The following NFAT5 variants were observed in gnomAD, a reference collection of about 807,000 sequenced individuals.
The protein encoded by NFAT5 is nuclear factor of activated T-cells 5.
In NFAT5, 31 loss-of-function variants were observed where a neutral mutation model predicts 166.5. The observed-to-expected ratio is 0.19, with a 90% confidence interval of 0.14 to 0.25. The LOEUF (loss-of-function observed/expected upper bound fraction) is 0.25. Among genes scored for constraint, NFAT5 ranks in the 10% least tolerant of loss-of-function variants. The probability of loss-of-function intolerance (pLI) is 1.00; values close to 1 mark genes in which losing one functional copy is unlikely to be tolerated. For missense variants in NFAT5, 1,449 were observed against 1,821.8 expected (o/e 0.80, Z 3.72); for synonymous variants, 612 against 639.7 (o/e 0.96, Z 0.65).
At chr16:69,608,781 A>AT (rs1443552686) in intron 2 of NFAT5, among the ~76,000 whole-genome samples, 1 of 149,896 alleles carries the variant, frequency 6.7e-6, no homozygotes, top group African/African-American at 2.5e-5. Context: ...CGCCCGGCTA[A>AT]TTTTTTGTTA....
chr16:69,651,375 A>G (rs1380222827), intron 4 of NFAT5, among the ~76,000 whole-genome samples: 2 of 152,182 alleles, frequency 1.3e-5, no homozygotes, highest in Non-Finnish European at 2.9e-5. Context: ...TTTCCTAGCC[A>G]AGGATTCAAC....
At chr16:69,622,364 G>C (rs1190421114) in intron 2 of NFAT5, among the ~76,000 whole-genome samples, 5 of 152,160 alleles carry the variant, frequency 3.3e-5, no homozygotes, top group Admixed American at 3.3e-4. Context: ...CTTCTGGCAG[G>C]CTGACTTCTT....
At chr16:69,691,113 A>C (rs757969861) in intron 12 of NFAT5, 25 bp downstream of exon 12, 4 of 1,492,608 alleles carry the variant, frequency 2.7e-6, no homozygotes, top group Admixed American at 4.8e-5. Flanking sequence ...CTAGTGCACA[A>C]ACCTCCTATA....
At position 69,704,417 on chromosome 16, in the gene NFAT5, A is replaced by G. The variant is rs1185066781; in HGVS notation, c.*8066A>G. On this transcript the variant is annotated 3_prime_UTR_variant, in exon 15 of 15. Coordinates refer to ENST00000349945, the MANE Select transcript of NFAT5 (RefSeq NM_138713.4). ...AACTGCCTTCTTCCATTGTCCTGCA[A>G]TGATATAAGGGTTACATTTTTGTGT... The G allele has an allele frequency of 1.3e-5, 2 of 152,592 alleles. No individual in the cohort carries two copies. The highest frequency in any genetic ancestry group is 2.1e-4 in the South Asian group (1 of 4,832). 9.5% of individuals were successfully genotyped at this position (152,592 alleles called of 1,614,324 possible).
chr16:69,672,836 A>G (rs1355115202), intron 9 of NFAT5, among the ~76,000 whole-genome samples: 1 of 152,202 alleles, frequency 6.6e-6, no homozygotes, highest in Non-Finnish European at 1.5e-5. Flanking sequence ...ATGCTCTATT[A>G]TGATTGTTAT....
chr16:69,608,805 G>T (rs2033555516), intron 2 of NFAT5, among the ~76,000 whole-genome samples: 1 of 150,186 alleles, frequency 6.7e-6, no homozygotes, highest in Non-Finnish European at 1.5e-5. Context: ...AAATATAATT[G>T]TTTTTTCCTC....
At chr16:69,580,160 TATGTA>T (rs1174809447) in intron 2 of NFAT5, among the ~76,000 whole-genome samples, 1 of 152,050 alleles carries the variant, frequency 6.6e-6, no homozygotes, top group Non-Finnish European at 1.5e-5. Flanking sequence ...TGTATTTTAA[TATGTA>T]ATGTAATTAC....
chr16:69,632,108 A>G (rs1229032303), intron 3 of NFAT5: 2 of 152,226 alleles, frequency 1.3e-5, no homozygotes, highest in Non-Finnish European at 2.9e-5. Flanking sequence ...AATAAGTGCT[A>G]TATTCTAATT....
At chr16:69,636,211 T>A (rs548372509) in intron 3 of NFAT5, among the ~76,000 whole-genome samples, 2 of 152,208 alleles carry the variant, frequency 1.3e-5, no homozygotes, top group Non-Finnish European at 2.9e-5. Flanking sequence ...CAGGTCACGC[T>A]GATGCAAGAG....
At chr16:69,666,284 C>T (rs2036374857) in intron 7 of NFAT5, among the ~76,000 whole-genome samples, 1 of 151,344 alleles carries the variant, frequency 6.6e-6, no homozygotes, top group Admixed American at 6.6e-5. Context: ...TCTAAAACAC[C>T]AAAAGCAATG....
intron 9 of NFAT5, among the ~76,000 whole-genome samples, chr16:69,671,348 G>GT (rs1466868566): frequency 6.6e-6 from 1 of 152,044 alleles, no homozygotes; most frequent in African/African-American, 2.4e-5. Context: ...AGTGCCTGTA[G>GT]TTTTTTTGTT....
chr16:69,603,222 A>T (rs943150891), intron 2 of NFAT5, among the ~76,000 whole-genome samples: 1 of 152,180 alleles, frequency 6.6e-6, no homozygotes, highest in Non-Finnish European at 1.5e-5. Context: ...CTGAATTTTT[A>T]TGATATATCA....
At chr16:69,644,879 A>G (rs748554143) in intron 3 of NFAT5, 13 of 453,414 alleles carry the variant, frequency 2.9e-5, no homozygotes, top group South Asian at 2.0e-4. Flanking sequence ...AAGTTGCTTT[A>G]TAGAAATATA....
At chr16:69,669,144 C>T (rs2036524086) in intron 7 of NFAT5, among the ~76,000 whole-genome samples, 2 of 152,186 alleles carry the variant, frequency 1.3e-5, no homozygotes, top group Admixed American at 1.3e-4. Flanking sequence ...ATCCTTCAAC[C>T]TTAGCCTCCC....
chr16:69,662,994 G>A (rs977585351), intron 7 of NFAT5, among the ~76,000 whole-genome samples: 5 of 152,056 alleles, frequency 3.3e-5, no homozygotes, highest in Non-Finnish European at 5.9e-5. Flanking sequence ...ATTTCTTTCC[G>A]TGAATATAAA....
intron 2 of NFAT5, among the ~76,000 whole-genome samples, chr16:69,625,155 G>T (rs2151578618): frequency 6.6e-6 from 1 of 152,184 alleles, no homozygotes. Context: ...ACCCCCTTCA[G>T]TCTCCCGGAG....
intron 2 of NFAT5, among the ~76,000 whole-genome samples, chr16:69,583,908 A>C (rs2031863493): frequency 6.6e-6 from 1 of 152,180 alleles, no homozygotes. Context: ...CATTAAAATA[A>C]CTGCAAATGG....
rs565783031 is a variant in NFAT5, at chr16:69,579,083, C to T, written c.127+10535C>T. ...TAGAGACGGGGTTTCACCATATTGG[C>T]CGGGCTGGTCTGGAACTCCTGACCT... On this transcript the variant is annotated intron_variant, in intron 2 of 14. Coordinates refer to ENST00000349945, the MANE Select transcript of NFAT5 (RefSeq NM_138713.4). Among the ~76,000 whole-genome samples the T allele has an allele frequency of 2.6e-4, 40 of 152,202 alleles. 1 individual carries two copies. The highest frequency in any genetic ancestry group is 9.4e-4 in the African/African-American group (39 of 41,536).
At chr16:69,579,662 GA>G (rs576474630) in intron 2 of NFAT5, among the ~76,000 whole-genome samples, 1 of 151,686 alleles carries the variant, frequency 6.6e-6, no homozygotes, top group African/African-American at 2.4e-5. Context: ...ATTCTGCACA[GA>G]AAAAAAATAG....
Sources: allele counts gnomAD v4.1 joint callset (sites outside exome capture counted in the v4.1 genomes callset), GRCh38; gene constraint gnomAD v4.1.1; transcripts MANE v1.5; gene names NCBI Gene and HGNC (gene_info 2026-07-23, HGNC 2026-07-21).